The following MYLK3 variants were observed in gnomAD, a reference collection of about 807,000 sequenced individuals.
MYLK3 encodes myosin light chain kinase 3, also known as MLC kinase.
In MYLK3, 55 loss-of-function variants were observed where a neutral mutation model predicts 76.3. The ratio of observed to expected loss-of-function variants is 0.72; its 90% CI spans 0.58 to 0.90. MYLK3 has a LOEUF of 0.90. MYLK3 is among the 40% of genes least tolerant of loss of function. MYLK3 has a pLI of 0.00. For missense variants in MYLK3, 973 were observed against 1,053.6 expected, an observed-to-expected ratio of 0.92 and a Z score of 1.06; for synonymous variants, 416 against 425.4, an observed-to-expected ratio of 0.98 and a Z score of 0.27.
intron 3 of MYLK3, among the ~76,000 whole-genome samples, chr16:46,734,116 G>A (rs1351850256): frequency 6.6e-6 from 1 of 152,180 alleles, no homozygotes; most frequent in Non-Finnish European, 1.5e-5. Context: ...ACTCATAACT[G>A]TAGCAGCATT....
chr16:46,712,156 A>T (rs1966691127), intron 10 of MYLK3, among the ~76,000 whole-genome samples: 1 of 151,356 alleles, frequency 6.6e-6, no homozygotes, highest in Non-Finnish European at 1.5e-5. Flanking sequence ...ATGCCCAACT[A>T]ATTTTTTTTG....
chr16:46,759,883 T>C (rs976758516), intron 1 of MYLK3, among the ~76,000 whole-genome samples: 3 of 152,208 alleles, frequency 2.0e-5, no homozygotes, highest in African/African-American at 7.2e-5. Context: ...TCCACCCTCC[T>C]TGGCATCCCA....
Position 46,738,007 on chromosome 16 carries a change from T to A in MYLK3, c.705A>T (p.Ala235=). ...TGGGCAGGGGCAGGTGGCCAGGGAA[T>A]GCCTGGGCTGGGCCAGGAACACCAT... ...QGDGVPGPAQ[A]FPGHLPLPTK... Residue 235 remains alanine (A), a synonymous_variant, in exon 3 of 13, where the codon GCA becomes GCT. Transcript: ENST00000394809. The A allele has an allele frequency of 6.2e-7, 1 of 1,613,400 alleles. No individual in the cohort carries two copies. Among genetic ancestry groups the A allele is most frequent in the Non-Finnish European group, 8.5e-7 (1 of 1,179,954 alleles).
At chr16:46,708,139 G>A (rs1363131493) in intron 12 of MYLK3, among the ~76,000 whole-genome samples, 1 of 151,966 alleles carries the variant, frequency 6.6e-6, no homozygotes, top group Non-Finnish European at 1.5e-5. Context: ...CCAAGTAGCT[G>A]GGACTACAGG....
intron 9 of MYLK3, among the ~76,000 whole-genome samples, chr16:46,718,799 C>G (rs1193892746): frequency 6.6e-6 from 1 of 151,486 alleles, no homozygotes. Flanking sequence ...AACCCTGTCT[C>G]TACTAAAAAT....
intron 1 of MYLK3, among the ~76,000 whole-genome samples, chr16:46,741,112 T>C (rs1380402645): frequency 6.6e-6 from 1 of 152,206 alleles, no homozygotes; most frequent in Non-Finnish European, 1.5e-5. Context: ...CCAAGATCCT[T>C]AAATTCTCTG....
At chr16:46,709,884 AG>A (rs1311579383) in intron 11 of MYLK3, among the ~76,000 whole-genome samples, 5 of 152,198 alleles carry the variant, frequency 3.3e-5, no homozygotes, top group African/African-American at 9.7e-5. Context: ...TGACCTCTAT[AG>A]GGGGAACATA....
intron 1 of MYLK3, among the ~76,000 whole-genome samples, chr16:46,740,438 C>T (rs1001365310): frequency 2.7e-5 from 4 of 150,884 alleles, no homozygotes; most frequent in African/African-American, 4.9e-5. Context: ...ACCCAGCCCC[C>T]GATACAGGGT....
chr16:46,732,841 G>A (rs1032622945), intron 3 of MYLK3, among the ~76,000 whole-genome samples, 173 bp from the exon 4 acceptor site: 1 of 152,218 alleles, frequency 6.6e-6, no homozygotes. Context: ...TCAGCTCCCA[G>A]GATCCCACCG....
intron 1 of MYLK3, among the ~76,000 whole-genome samples, chr16:46,754,821 T>C (rs190003869): frequency 1.3e-5 from 2 of 152,108 alleles, no homozygotes; most frequent in East Asian, 3.9e-4. Context: ...CACTTCCCCT[T>C]AGAATTTTGA....
Position 46,711,010 on chromosome 16 carries a change from A to G in MYLK3, c.2115-221T>C, listed in dbSNP as rs141241107. 64 of 567,788 alleles carry G rather than the reference A, an allele frequency of 1.1e-4. 1 individual carries two copies. The highest frequency in any genetic ancestry group is 1.1e-3 in the African/African-American group (56 of 53,290). The allele number at this position is 567,788 out of a possible 1,614,324, so 35.2% of individuals were successfully genotyped here. On this transcript the variant is annotated intron_variant, in intron 10 of 12. Coordinates refer to ENST00000394809, the MANE Select transcript of MYLK3 (RefSeq NM_182493.3). ...TTTGGAGGCAAGAAGAATTTTTGGA[A>G]TAAGTCCCCTCTTGTGCTCACCTCT...
chr16:46,720,197 T>C (rs1245128270), intron 9 of MYLK3, among the ~76,000 whole-genome samples: 3 of 152,092 alleles, frequency 2.0e-5, no homozygotes, highest in African/African-American at 7.2e-5. Flanking sequence ...ATAAATAATA[T>C]ACAATGTTTA....
intron 1 of MYLK3, chr16:46,757,464 G>A (rs1967215445): frequency 1.0e-6 from 1 of 985,332 alleles, no homozygotes; most frequent in African/African-American, 1.7e-5. Flanking sequence ...GCTGGCCTCT[G>A]GTGCTGGGAC....
chr16:46,715,079 A>T (rs1966723663), intron 9 of MYLK3, among the ~76,000 whole-genome samples: 1 of 152,188 alleles, frequency 6.6e-6, no homozygotes, highest in African/African-American at 2.4e-5. Context: ...TAGAGACACG[A>T]TGGGCAGAAG....
At chr16:46,714,644 C>T (rs899978049) in intron 9 of MYLK3, among the ~76,000 whole-genome samples, 1 of 152,222 alleles carries the variant, frequency 6.6e-6, no homozygotes, top group African/African-American at 2.4e-5. Context: ...AGTGCCTCTT[C>T]GTGCCCCACA....
chr16:46,747,883 G>T lies in MYLK3; in HGVS notation c.311C>A (p.Ala104Glu), dbSNP rs148872608. 6.2e-7 allele frequency: 1 copy of T among 1,613,738 alleles called. No individual in the cohort carries two copies. The highest frequency in any genetic ancestry group is 1.3e-5 in the African/African-American group (1 of 75,040). ...CTCCAGCCTGGCACCGTGCTGGGCC[G>T]CATCCTGCTGCATGGCCCTCACCAG... ...LELVRAMQQD[A>E]AQHGARLEAL... The change falls in exon 1 of 13, where the codon GCG (alanine) becomes GAG (glutamate). Residue 104 changes from alanine to glutamate, a missense_variant. Physicochemically the swap from Ala to Glu is moderately radical, Grantham distance 107. This residue lies in a region of MYLK3 where 641 missense variants were observed against 637.0 expected (regional missense o/e 1.01). Transcript: ENST00000394809.
At chr16:46,735,172 T>C (rs1414436510) in intron 3 of MYLK3, among the ~76,000 whole-genome samples, 1 of 151,956 alleles carries the variant, frequency 6.6e-6, no homozygotes, top group Non-Finnish European at 1.5e-5. Flanking sequence ...CGCTAAGATG[T>C]TAAATTTTAC....
intron 8 of MYLK3, among the ~76,000 whole-genome samples, chr16:46,725,193 C>T (rs1390618447): frequency 6.6e-6 from 1 of 152,178 alleles, no homozygotes; most frequent in Non-Finnish European, 1.5e-5. Context: ...AGTCTCCTCT[C>T]TTTAAGAGTT....
At chr16:46,713,724 C>T (rs1000339893) in intron 9 of MYLK3, among the ~76,000 whole-genome samples, 5 of 152,214 alleles carry the variant, frequency 3.3e-5, no homozygotes, top group Non-Finnish European at 2.9e-5. Context: ...CTTTGGCAGA[C>T]GTCTCCCCAG....
Sources: gnomAD v4.1 joint callset for allele counts (sites outside exome capture counted in the v4.1 genomes callset) on GRCh38, gnomAD v4.1.1 for gene constraint, gnomAD v4.1.1 regional missense constraint, MANE v1.5 for transcripts, NCBI Gene and HGNC (gene_info 2026-07-23, HGNC 2026-07-21) for gene names.